Variants in RPH3AL observed in about 807,000 individuals in gnomAD.
RPH3AL encodes the protein rabphilin 3A like (without C2 domains), also known as rab effector Noc2.
A neutral mutation model predicts 43.1 loss-of-function variants in RPH3AL; 38 were observed. The ratio of observed to expected loss-of-function variants is 0.88; its 90% CI spans 0.68 to 1.15. The LOEUF (loss-of-function observed/expected upper bound fraction) is 1.15. RPH3AL is among the 50% of genes most tolerant of loss of function. RPH3AL has a pLI of 0.00. For missense variants in RPH3AL, 462 were observed against 423.2 expected (o/e 1.09, Z -0.81); for synonymous variants, 189 against 176.3 (o/e 1.07, Z -0.57).
intron 6 of RPH3AL, among the ~76,000 whole-genome samples, chr17:266,032 T>C (rs2042311965): frequency 1.3e-5 from 2 of 152,220 alleles, no homozygotes; most frequent in South Asian, 4.1e-4. Context: ...GGCAGAGCTG[T>C]GGGCAGCCTC....
chr17:338,326 G>A (rs1230203782), intron 1 of RPH3AL, among the ~76,000 whole-genome samples: 1 of 151,958 alleles, frequency 6.6e-6, no homozygotes, highest in Admixed American at 6.6e-5. Flanking sequence ...GCTGGGCATG[G>A]TGGCACATAC....
At position 219,612 on chromosome 17, in the gene RPH3AL, C is replaced by G. The variant is rs1386881492; in HGVS notation, c.727+11G>C. 1 of 1,497,686 alleles carries G rather than the reference C, an allele frequency of 6.7e-7. No individual in the cohort carries two copies. The highest frequency in any genetic ancestry group is 1.5e-5 in the African/African-American group (1 of 66,648). 92.8% of individuals were successfully genotyped at this position (1,497,686 alleles called of 1,614,324 possible). ...CCCGGCCAATAAGCAGCATTTCACTCCCCACCTTACCTGACTCCTTCCAGG... is the reference window on the plus strand; with the variant it reads ...CCCGGCCAATAAGCAGCATTTCACTGCCCACCTTACCTGACTCCTTCCAGG... On this transcript the variant is annotated intron_variant, in intron 8 of 9. Coordinates refer to ENST00000331302, the MANE Select transcript of RPH3AL (RefSeq NM_006987.4).
intron 6 of RPH3AL, among the ~76,000 whole-genome samples, chr17:251,657 C>A (rs12600698): frequency 0.16 from 23,866 of 152,298 alleles, 1,961 homozygotes; most frequent in Middle Eastern, 0.17. Context: ...GCAGCAAACA[C>A]ACAGCAGCCA....
rs886323421 is a variant in RPH3AL, at chr17:246,321, G to A, written c.613+790C>T. ...GTCTCATCTAAGACCCTCAGACCCTGAGTATTTGGCAGAAACGTGAGCACT... is the reference window on the plus strand; with the variant it reads ...GTCTCATCTAAGACCCTCAGACCCTAAGTATTTGGCAGAAACGTGAGCACT... On this transcript the variant is annotated intron_variant, in intron 7 of 9. Coordinates refer to ENST00000331302, the MANE Select transcript of RPH3AL (RefSeq NM_006987.4). The surrounding 1 kb of genome is among the most constrained non-coding windows in gnomAD (Gnocchi z 4.8). Among the ~76,000 whole-genome samples, 3 of 152,016 alleles carry A rather than the reference G, an allele frequency of 2.0e-5. No homozygotes were observed. Among genetic ancestry groups the A allele is most frequent in the African/African-American group, 7.3e-5 (3 of 41,372 alleles).
In RPH3AL at chr17:213,331, G is replaced by C. The variant is rs920813618; in HGVS notation, c.*521C>G. On this transcript the variant is annotated 3_prime_UTR_variant, in exon 10 of 10. Transcript: ENST00000331302. ...CACGGTCCTGGGCCAGCCCATGGGAGGGGGGCACTGCGCCTGCCTCCCAGA... is the reference window on the plus strand; with the variant it reads ...CACGGTCCTGGGCCAGCCCATGGGACGGGGGCACTGCGCCTGCCTCCCAGA... The C allele has an allele frequency of 5.9e-6, 1 of 168,570 alleles. No individual in the cohort carries two copies. The highest frequency in any genetic ancestry group is 2.4e-5 in the African/African-American group (1 of 41,596). The allele number at this position is 168,570 out of a possible 1,614,324, so 10.4% of individuals were successfully genotyped here.
At chr17:321,059 A>C (rs2044456895) in intron 4 of RPH3AL, among the ~76,000 whole-genome samples, 1 of 152,146 alleles carries the variant, frequency 6.6e-6, no homozygotes, top group African/African-American at 2.4e-5. Context: ...GCCCCGTCTC[A>C]CAGAGGGGTG....
At position 281,798 on chromosome 17, in the gene RPH3AL, C is replaced by A; in HGVS notation, c.408G>T (p.Trp136Cys). Residue 136 changes from tryptophan to cysteine, a missense_variant, in exon 6 of 10, where the codon TGG (tryptophan) becomes TGT (cysteine). Coordinates refer to ENST00000331302, the MANE Select transcript of RPH3AL (RefSeq NM_006987.4). ...EASPGQKRPL[W>C]LCKICSEQRE... is the part of the protein sequence containing the mutation. The stretch of plus-strand genomic sequence containing the variant: ...TTTGCTCACTGCAGATCTTACACAG[C>A]CACAGGGGCCGCTTCTGGCCAGGGG... 2 of 1,614,116 alleles carry A rather than the reference C, an allele frequency of 1.2e-6. No homozygotes were observed. Among genetic ancestry groups the A allele is most frequent in the South Asian group, 1.1e-5 (1 of 91,070 alleles).
rs1049568572 is a variant in RPH3AL at position 213,537 on chromosome 17, C to T, written c.*315G>A. On this transcript the variant is annotated 3_prime_UTR_variant, in exon 10 of 10. Transcript: ENST00000331302. ...CCCCTCTGACACTGCATGTGGGAAA[C>T]CCCCCAGCCCAACCCAAGACACGCG... 2 of 463,976 alleles carry T rather than the reference C, an allele frequency of 4.3e-6. No homozygotes were observed. The highest frequency in any genetic ancestry group is 2.2e-5 in the South Asian group (1 of 44,776). 28.7% of individuals were successfully genotyped at this position (463,976 alleles called of 1,614,324 possible).
intron 6 of RPH3AL, among the ~76,000 whole-genome samples, chr17:277,639 C>T (rs928563246): frequency 3.9e-5 from 6 of 152,240 alleles, no homozygotes; most frequent in East Asian, 3.9e-4. Flanking sequence ...CCTCCAAGGG[C>T]GCCTCATTTT....
chr17:283,074 C>T lies in RPH3AL; in HGVS notation c.352-1220G>A, dbSNP rs558861011. On this transcript the variant is annotated intron_variant, in intron 5 of 9. Coordinates refer to ENST00000331302, the MANE Select transcript of RPH3AL (RefSeq NM_006987.4). This position sits in a 1 kb window ranked among gnomAD's most constrained non-coding sequence, Gnocchi z 4.2. Reference sequence around the variant, plus strand: ...CCCAGGCAGAGTCTGATTCAGCGATCGCTGGCGACTCCTCAGGACTGTTGC... The same window carrying T: ...CCCAGGCAGAGTCTGATTCAGCGATTGCTGGCGACTCCTCAGGACTGTTGC... Among the ~76,000 whole-genome samples the T allele has an allele frequency of 1.3e-5, 2 of 152,154 alleles. No homozygotes were observed. Among genetic ancestry groups the T allele is most frequent in the African/African-American group, 2.4e-5 (1 of 41,430 alleles).
intron 3 of RPH3AL, 141 bp downstream of exon 3, chr17:327,326 C>T: frequency 4.2e-6 from 3 of 718,826 alleles, no homozygotes; most frequent in Non-Finnish European, 5.0e-6. Flanking sequence ...GTGTCCAGGG[C>T]CTGGAGTGTG....
At chr17:262,228 T>G (rs1555546458) in intron 6 of RPH3AL, among the ~76,000 whole-genome samples, 1 of 148,528 alleles carries the variant, frequency 6.7e-6, no homozygotes, top group African/African-American at 2.5e-5. Flanking sequence ...ATGTTTACAG[T>G]TTTTTTTTTA....
In RPH3AL at chr17:302,928, C is replaced by G. The variant is rs536814387; in HGVS notation, c.351+16492G>C. Among the ~76,000 whole-genome samples the G allele has an allele frequency of 1.9e-4, 29 of 152,348 alleles. No individual in the cohort carries two copies. In the East Asian group the frequency reaches 4.0e-3, roughly 21 times the overall value. The stretch of plus-strand genomic sequence containing the variant: ...GGACAAACACCCAGACCCCGAAGGT[C>G]AGGGGCGGGAGCTTCGCATTTCACA... On this transcript the variant is annotated intron_variant, in intron 5 of 9. Coordinates refer to ENST00000331302, the MANE Select transcript of RPH3AL (RefSeq NM_006987.4).
chr17:263,601 G>T (rs1232713574), intron 6 of RPH3AL, among the ~76,000 whole-genome samples: 2 of 152,224 alleles, frequency 1.3e-5, no homozygotes, highest in Non-Finnish European at 2.9e-5. Flanking sequence ...ATTGGATGCT[G>T]ATATTATTAA....
At chr17:269,207 G>A (rs1308250681) in intron 6 of RPH3AL, among the ~76,000 whole-genome samples, 3 of 151,730 alleles carry the variant, frequency 2.0e-5, no homozygotes, top group African/African-American at 4.8e-5. Context: ...ACGAGGGATC[G>A]CCATGTTGCC....
intron 6 of RPH3AL, among the ~76,000 whole-genome samples, chr17:273,099 C>T (rs112104625): frequency 7.9e-4 from 80 of 100,724 alleles, no homozygotes; most frequent in African/African-American, 2.0e-3. Flanking sequence ...GCGAGGGTGA[C>T]GTCAGGGAGA....
At chr17:348,922 G>A (rs1259697015) in intron 1 of RPH3AL, 2 of 152,186 alleles carry the variant, frequency 1.3e-5, no homozygotes, top group African/African-American at 4.8e-5. Flanking sequence ...GGTGCACGGG[G>A]AGAAGGGTCA....
Position 316,243 on chromosome 17 carries a change from C to A in RPH3AL, c.351+3177G>T, listed in dbSNP as rs1198109322. ...ACCTGTAGTCCCTGTGCCCCCACCT[C>A]CATTGACCTGTAGTCCCTGTGACTC... On this transcript the variant is annotated intron_variant, in intron 5 of 9. Transcript: ENST00000331302. 1.2e-4 allele frequency among the ~76,000 whole-genome samples: 16 copies of A among 133,648 alleles called. 1 individual carries two copies. Among genetic ancestry groups the A allele is most frequent in the Non-Finnish European group, 1.6e-5 (1 of 60,614 alleles). The allele number at this position is 133,648 out of a possible 152,430, so 87.7% of individuals were successfully genotyped here. A position where few individuals can be genotyped will look rare whatever the true frequency, so the allele number is the denominator to read the frequency against.
chr17:295,409 ATGG>A (rs1460914195), intron 5 of RPH3AL, among the ~76,000 whole-genome samples: 7 of 108,916 alleles, frequency 6.4e-5, no homozygotes, highest in South Asian at 4.3e-4. Context: ...GCAGAAATGG[ATGG>A]ACAGAGGGAA....
Sources: allele counts gnomAD v4.1 joint callset (sites outside exome capture counted in the v4.1 genomes callset), GRCh38; gene constraint gnomAD v4.1.1; non-coding constraint Gnocchi (gnomAD v3.1); transcripts MANE v1.5; gene names NCBI Gene and HGNC (gene_info 2026-07-23, HGNC 2026-07-21).